The following MXI1 variants were observed in gnomAD, a reference collection of about 807,000 sequenced individuals.
MXI1 encodes the protein MAX interactor 1, dimerization protein.
MXI1 carries 18 observed loss-of-function variants against 36.9 expected under a neutral mutation model. The observed-to-expected ratio is 0.49, with a 90% CI of 0.34 to 0.72. MXI1 has a LOEUF of 0.72. Ranked by LOEUF, MXI1 falls within the 30% of genes least tolerant of loss-of-function variation. The pLI, the probability that MXI1 is intolerant of heterozygous loss-of-function variation, is 0.01. For missense variants in MXI1, 304 were observed against 379.1 expected (o/e 0.80, Z 1.64); for synonymous variants, 160 against 146.7 (o/e 1.09, Z -0.65).
At chr10:110,219,420 A>G (rs1405076633) in intron 1 of MXI1, among the ~76,000 whole-genome samples, 1 of 152,198 alleles carries the variant, frequency 6.6e-6, no homozygotes, top group African/African-American at 2.4e-5. Flanking sequence ...ACTCCTTGTC[A>G]TGGCCTTCAT....
intron 1 of MXI1, among the ~76,000 whole-genome samples, chr10:110,211,446 G>A (rs1478025012): frequency 1.3e-5 from 2 of 152,370 alleles, no homozygotes; most frequent in Non-Finnish European, 2.9e-5. Flanking sequence ...TCTGTCCGGA[G>A]ATGAGTGTCG....
intron 1 of MXI1, chr10:110,225,995 T>G: frequency 1.0e-6 from 1 of 981,512 alleles, no homozygotes; most frequent in South Asian, 4.7e-5. Context: ...CGGGGAGAGG[T>G]AAACAAACCA....
chr10:110,224,767 C>A (rs893957434), intron 1 of MXI1, among the ~76,000 whole-genome samples: 11 of 152,126 alleles, frequency 7.2e-5, no homozygotes, highest in South Asian at 2.1e-4. Flanking sequence ...CGTGCCTCAG[C>A]CTCCCGAGTA....
At chr10:110,270,654 T>C (rs898915865) in intron 3 of MXI1, among the ~76,000 whole-genome samples, 4 of 152,214 alleles carry the variant, frequency 2.6e-5, no homozygotes, top group African/African-American at 9.6e-5. Context: ...TTGTGGAATA[T>C]TGCTTTTTAG....
At chr10:110,224,642 T>C (rs1007185567) in intron 1 of MXI1, among the ~76,000 whole-genome samples, 2 of 151,190 alleles carry the variant, frequency 1.3e-5, no homozygotes, top group African/African-American at 2.4e-5. Flanking sequence ...TGGCTTTTTT[T>C]TTTTTTTTTT....
At chr10:110,234,541 A>G (rs1381486740) in intron 2 of MXI1, among the ~76,000 whole-genome samples, 1 of 152,040 alleles carries the variant, frequency 6.6e-6, no homozygotes, top group East Asian at 1.9e-4. Flanking sequence ...GCTCCTCCCC[A>G]TAGATGCAGG....
intron 3 of MXI1, among the ~76,000 whole-genome samples, chr10:110,278,187 G>A (rs1168940932): frequency 6.6e-6 from 1 of 152,162 alleles, no homozygotes; most frequent in African/African-American, 2.4e-5. Context: ...TATTGTTTTA[G>A]GATGAAGTTA....
intron 1 of MXI1, chr10:110,226,191 G>A (rs763592671): frequency 1.4e-6 from 2 of 1,467,978 alleles, no homozygotes; most frequent in Non-Finnish European, 1.8e-6. Context: ...GAGAGGCGCC[G>A]GTCGCCACCC....
chr10:110,260,050 G>A (rs1179002449), intron 3 of MXI1, among the ~76,000 whole-genome samples: 1 of 145,770 alleles, frequency 6.9e-6, no homozygotes, highest in Non-Finnish European at 1.5e-5. Flanking sequence ...AGCCAATGGA[G>A]AAAGATAGGT....
intron 1 of MXI1, among the ~76,000 whole-genome samples, chr10:110,221,816 C>A (rs907736392): frequency 6.6e-6 from 1 of 152,216 alleles, no homozygotes; most frequent in East Asian, 1.9e-4. Flanking sequence ...GCGTTCCCCC[C>A]ACCCCATGTC....
intron 2 of MXI1, among the ~76,000 whole-genome samples, chr10:110,233,034 A>G (rs903830185): frequency 6.6e-6 from 1 of 152,226 alleles, no homozygotes; most frequent in Admixed American, 6.5e-5. Flanking sequence ...TGACACACAC[A>G]TAGTAATTGC....
intron 2 of MXI1, among the ~76,000 whole-genome samples, chr10:110,240,875 G>T (rs1353839741): frequency 6.6e-6 from 1 of 151,994 alleles, no homozygotes; most frequent in African/African-American, 2.4e-5. Flanking sequence ...CATTAATTCT[G>T]CAAAATTAGA....
intron 3 of MXI1, among the ~76,000 whole-genome samples, chr10:110,272,235 T>C (rs115633932): frequency 0.017 from 2,519 of 152,310 alleles, 50 homozygotes; most frequent in African/African-American, 0.056. Context: ...AGACTTAGGA[T>C]TTTTGGATTT....
chr10:110,276,773 A>G (rs1477688474), intron 3 of MXI1, among the ~76,000 whole-genome samples: 1 of 149,902 alleles, frequency 6.7e-6, no homozygotes, highest in East Asian at 2.0e-4. Context: ...CGGAAAATAG[A>G]CTCACCTTTC....
chr10:110,207,862 GGCCCCCGCCGCGCCCCCGGCTGT>G lies in MXI1; in HGVS notation c.61_83del (p.Ala21ArgfsTer66), dbSNP rs1343762554. 8.3e-7 allele frequency: 1 copy of G among 1,198,384 alleles called. No individual in the cohort carries two copies. The highest frequency in any genetic ancestry group is 1.0e-6 in the Non-Finnish European group (1 of 966,354). The allele number at this position is 1,198,384 out of a possible 1,614,324, so 74.2% of individuals were successfully genotyped here. A position where few individuals can be genotyped will look rare whatever the true frequency, so the allele number is the denominator to read the frequency against. On this transcript the variant is annotated frameshift_variant, in exon 1 of 6. Coordinates refer to ENST00000332674, the MANE Select transcript of MXI1 (RefSeq NM_130439.3). LOFTEE classifies it high-confidence loss of function. ...AGGCGCGCTGCGAGGGCGCGGGGCT[GGCCCCCGCCGCGCCCCCGGCTGT>G]GCCCCCCGCCGTGGCCGCGCCCCAG...
rs1177005874 is a variant in MXI1, at chr10:110,287,309, A to G, written c.*2322A>G. ...AGAAGTATTAATTTTTTAAAAGACA[A>G]ATCAACTTTGAAGACACAAAAGTTA... On this transcript the variant is annotated 3_prime_UTR_variant, in exon 6 of 6. Transcript: ENST00000332674. The G allele has an allele frequency of 6.6e-6, 1 of 152,182 alleles. No individual in the cohort carries two copies. Among genetic ancestry groups the G allele is most frequent in the African/African-American group, 2.4e-5 (1 of 41,450 alleles). 9.4% of individuals were successfully genotyped at this position (152,182 alleles called of 1,614,324 possible).
chr10:110,268,514 A>C (rs567059019), intron 3 of MXI1, among the ~76,000 whole-genome samples: 2 of 152,306 alleles, frequency 1.3e-5, no homozygotes, highest in African/African-American at 4.8e-5. Context: ...AATTGTTGTT[A>C]ATCTATCAAA....
chr10:110,210,805 C>G (rs1333454819), intron 1 of MXI1, among the ~76,000 whole-genome samples: 1 of 152,254 alleles, frequency 6.6e-6, no homozygotes, highest in Non-Finnish European at 1.5e-5. Context: ...TCCGCGTGTG[C>G]ACAGCAATAA....
At chr10:110,256,696 A>G (rs1172775310) in intron 3 of MXI1, among the ~76,000 whole-genome samples, 1 of 151,952 alleles carries the variant, frequency 6.6e-6, no homozygotes, top group East Asian at 1.9e-4. Context: ...AATCAAAACT[A>G]TAAGATACCA....
Sources: gnomAD v4.1 joint callset for allele counts (sites outside exome capture counted in the v4.1 genomes callset) on GRCh38, gnomAD v4.1.1 for gene constraint, MANE v1.5 for transcripts, NCBI Gene and HGNC (gene_info 2026-07-23, HGNC 2026-07-21) for gene names.